The following RUNX3 variants were observed in gnomAD, a reference collection of about 807,000 sequenced individuals.
RUNX3 encodes RUNX family transcription factor 3.
A neutral mutation model predicts 27.7 loss-of-function variants in RUNX3; 10 were observed. The ratio of observed to expected loss-of-function variants is 0.36; its 90% CI spans 0.22 to 0.61. The LOEUF (loss-of-function observed/expected upper bound fraction) is 0.61. Ranked by LOEUF, RUNX3 falls within the 20% of genes least tolerant of loss-of-function variation. RUNX3 has a pLI of 0.72. For missense variants in RUNX3, 469 were observed against 629.5 expected (o/e 0.75, Z 2.73); for synonymous variants, 270 against 269.2 (o/e 1.00, Z -0.03).
intron 2 of RUNX3, among the ~76,000 whole-genome samples, chr1:24,956,785 G>A (rs1024982034): frequency 3.3e-5 from 5 of 152,192 alleles, no homozygotes; most frequent in Non-Finnish European, 5.9e-5. Context: ...ATAGGGGCAT[G>A]ACCAAAATGG....
In RUNX3 at chr1:24,908,165, C is replaced by T. The variant is rs374818109; in HGVS notation, c.545-748G>A. On this transcript the variant is annotated intron_variant, in intron 3 of 4. Transcript: ENST00000308873. Reference sequence around the variant, plus strand: ...CGGTGATCCGAACCTCTACGACACGCGGTGATCCGAAGCTCTACGACACGC... The same window carrying T: ...CGGTGATCCGAACCTCTACGACACGTGGTGATCCGAAGCTCTACGACACGC... Among the ~76,000 whole-genome samples, 600 of 132,996 alleles carry T rather than the reference C, an allele frequency of 4.5e-3. 42 individuals are homozygous for T. The South Asian group carries it at 0.13, about 28-fold the overall frequency. The allele number at this position is 132,996 out of a possible 152,430, so 87.3% of individuals were successfully genotyped here.
chr1:24,939,861 G>A lies in RUNX3; in HGVS notation c.59-10009C>T, dbSNP rs537030677. Among the ~76,000 whole-genome samples the A allele has an allele frequency of 7.2e-5, 11 of 152,358 alleles. No homozygotes were observed. In the South Asian group the frequency reaches 2.3e-3, roughly 32 times the overall value. ...CACGGCAGCATGGGTGGAAGGGCAG[G>A]GCACTAGCCTAGGGGCCCAGAGACC... On this transcript the variant is annotated intron_variant, in intron 2 of 6. Transcript: ENST00000338888.
At position 24,923,796 on chromosome 1, in the gene RUNX3, C is replaced by G. The variant is rs561339673; in HGVS notation, c.439+3778G>C. Among the ~76,000 whole-genome samples the G allele has an allele frequency of 6.6e-6, 1 of 152,186 alleles. No homozygotes were observed. Among genetic ancestry groups the G allele is most frequent in the East Asian group, 1.9e-4 (1 of 5,194 alleles). On this transcript the variant is annotated intron_variant, in intron 2 of 4. Coordinates refer to ENST00000308873, the MANE Select transcript of RUNX3 (RefSeq NM_004350.3). The surrounding 1 kb of genome is among the most constrained non-coding windows in gnomAD (Gnocchi z 5.9). Reference sequence around the variant, plus strand: ...ACCAGCGGTTCCCCTCAGCCTGCACCGGCACACTGCACCCCGAATCTCTGT... The same window carrying G: ...ACCAGCGGTTCCCCTCAGCCTGCACGGGCACACTGCACCCCGAATCTCTGT...
At chr1:24,940,073 G>C (rs925927738) in intron 2 of RUNX3, among the ~76,000 whole-genome samples, 2 of 152,208 alleles carry the variant, frequency 1.3e-5, no homozygotes, top group African/African-American at 4.8e-5. Flanking sequence ...GAGCAGGCTT[G>C]GGGGGTAAGA....
chr1:24,948,986 C>G (rs1374269937), intron 2 of RUNX3, among the ~76,000 whole-genome samples: 2 of 151,848 alleles, frequency 1.3e-5, no homozygotes, highest in African/African-American at 4.8e-5. Flanking sequence ...AATATGAGCA[C>G]AATGAAAAAT....
At position 24,902,476 on chromosome 1, in the gene RUNX3, C is replaced by T. The variant is rs543877061; in HGVS notation, c.894G>A (p.Pro298=). ...AGGTATGGTGGAAGCGGCTGGTGGCCGGCATGCCCGCCACGCTGAGGCTGC... is the reference window on the plus strand; with the variant it reads ...AGGTATGGTGGAAGCGGCTGGTGGCTGGCATGCCCGCCACGCTGAGGCTGC... The part of the protein sequence containing the change: ...SISSLSVAGM[P]ATSRFHHTYL... Residue 298 remains proline (P), a synonymous_variant, in exon 5 of 5, where the codon CCG becomes CCA. Coordinates refer to ENST00000308873, the MANE Select transcript of RUNX3 (RefSeq NM_004350.3). The surrounding 1 kb of genome is among the most constrained non-coding windows in gnomAD (Gnocchi z 9.2). The T allele has an allele frequency of 3.8e-5, 61 of 1,600,098 alleles. No individual in the cohort carries two copies. Among genetic ancestry groups the T allele is most frequent in the Middle Eastern group, 3.3e-4 (2 of 6,006 alleles).
intron 2 of RUNX3, among the ~76,000 whole-genome samples, chr1:24,926,210 A>T (rs1391327689): frequency 6.6e-6 from 1 of 152,220 alleles, no homozygotes; most frequent in Non-Finnish European, 1.5e-5. Flanking sequence ...GCCACCGACC[A>T]AGGACCAGTG....
chr1:24,902,268 C>A lies in RUNX3; in HGVS notation c.1102G>T (p.Ala368Ser). The A allele has an allele frequency of 6.3e-7, 1 of 1,592,626 alleles. No individual in the cohort carries two copies. The highest frequency in any genetic ancestry group is 1.3e-5 in the African/African-American group (1 of 74,956). The change falls in exon 5 of 5, where the codon GCT becomes TCT. Residue 368 changes from alanine (A) to serine (S), a missense_variant. Transcript: ENST00000308873. The surrounding 1 kb of genome is among the most constrained non-coding windows in gnomAD (Gnocchi z 9.2). ...AGGTTGCCGGCGGCGACAGAGGCAG[C>A]GCTGCTGGTGCAAGAGGCCAGCATG... ...TRMLASCTSS[A>S]ASVAAGNLMN... is the part of the protein sequence containing the mutation.
In RUNX3 at chr1:24,930,095, C is replaced by G. The variant is rs1641187843; in HGVS notation, c.-227G>C. On this transcript the variant is annotated 5_prime_UTR_variant, in exon 1 of 5. Transcript: ENST00000308873. This position sits in a 1 kb window ranked among gnomAD's most constrained non-coding sequence, Gnocchi z 4.1. ...GCCGCCCGCAGCCTGCCCGGCTAGT[C>G]CCGCATCCTCGGCGCGCGGCCCCGC... 1.0e-6 allele frequency: 1 copy of G among 979,844 alleles called. No homozygotes were observed. The highest frequency in any genetic ancestry group is 6.3e-5 in the Admixed American group (1 of 15,782). 60.7% of individuals were successfully genotyped at this position (979,844 alleles called of 1,614,324 possible).
At chr1:24,941,292 A>G (rs1463866222) in intron 2 of RUNX3, among the ~76,000 whole-genome samples, 1 of 152,178 alleles carries the variant, frequency 6.6e-6, no homozygotes, top group Non-Finnish European at 1.5e-5. Context: ...ACAGGCAAGG[A>G]AGTCCCTTGC....
At chr1:24,908,398 G>A (rs758537448) in intron 3 of RUNX3, among the ~76,000 whole-genome samples, 4 of 152,166 alleles carry the variant, frequency 2.6e-5, no homozygotes, top group Non-Finnish European at 4.4e-5. Flanking sequence ...TATAATCTCA[G>A]CACTTTGGGA....
intron 2 of RUNX3, among the ~76,000 whole-genome samples, chr1:24,957,384 T>C (rs149102089): frequency 3.0e-5 from 4 of 133,594 alleles, no homozygotes; most frequent in East Asian, 2.5e-4. Flanking sequence ...ATCCATCCAT[T>C]CTTTCTTTCT....
intron 2 of RUNX3, among the ~76,000 whole-genome samples, chr1:24,951,016 G>A (rs995231148): frequency 1.2e-4 from 19 of 152,028 alleles, no homozygotes; most frequent in African/African-American, 4.6e-4. Context: ...GACCCTCCTG[G>A]ATAACATGGG....
Position 24,916,031 on chromosome 1 carries a change from G to A in RUNX3, c.544+3209C>T, listed in dbSNP as rs893646798. On this transcript the variant is annotated intron_variant, in intron 3 of 4. Transcript: ENST00000308873. The surrounding 1 kb of genome is among the most constrained non-coding windows in gnomAD (Gnocchi z 4.8). ...GGCCACCTGGCTGCAGGCCGGGCAC[G>A]CTCTGCAGGGCACCAGAGGGGAACG... Among the ~76,000 whole-genome samples the A allele has an allele frequency of 2.0e-5, 3 of 152,194 alleles. No homozygotes were observed. Among genetic ancestry groups the A allele is most frequent in the South Asian group, 4.1e-4 (2 of 4,838 alleles).
intron 3 of RUNX3, among the ~76,000 whole-genome samples, chr1:24,913,722 G>A (rs1376242624): frequency 2.0e-5 from 3 of 152,232 alleles, no homozygotes; most frequent in African/African-American, 7.2e-5. Context: ...TGGATTCTGG[G>A]TTGGCAGCTC....
upstream of RUNX3, among the ~76,000 whole-genome samples, chr1:24,933,201 G>T (rs1401745187): frequency 6.6e-6 from 1 of 152,210 alleles, no homozygotes; most frequent in Non-Finnish European, 1.5e-5. Context: ...GCTATGGAAG[G>T]AGCTGGGGTC....
chr1:24,908,060 A>ACACGCGGTGATCCGAACCTCTACGT (rs1221539714), intron 3 of RUNX3, among the ~76,000 whole-genome samples: 1 of 151,622 alleles, frequency 6.6e-6, no homozygotes, highest in Non-Finnish European at 1.5e-5. Context: ...AACCTCTACG[A>ACACGCGGTGATCCGAACCTCTACGT]CACACGGTGA....
In RUNX3 at chr1:24,927,659, G is replaced by A. The variant is rs747070804; in HGVS notation, c.354C>T (p.Ser118=). ...CGGCCGAGGCATTGCGCAGCTCAGC[G>A]GAGTAGTTCTCGTCATTGCCTGCCA... is the stretch of plus-strand genomic sequence containing the variant. ...TVMAGNDENY[S]AELRNASAVM... The change falls in exon 2 of 5, where the codon TCC becomes TCT. Residue 118 remains serine (S), a synonymous_variant. Transcript: ENST00000308873. The surrounding 1 kb of genome is among the most constrained non-coding windows in gnomAD (Gnocchi z 5.0). 8 of 1,614,120 alleles carry A rather than the reference G, an allele frequency of 5.0e-6. No individual in the cohort carries two copies. The South Asian group carries it at 5.5e-5, about 11-fold the overall frequency.
At chr1:24,938,207 T>TC (rs1641392749) in intron 2 of RUNX3, among the ~76,000 whole-genome samples, 1 of 152,190 alleles carries the variant, frequency 6.6e-6, no homozygotes, top group African/African-American at 2.4e-5. Context: ...CTTGAGCAAG[T>TC]CCCTTCCCTC....
Sources: gnomAD v4.1 joint callset for allele counts (sites outside exome capture counted in the v4.1 genomes callset) on GRCh38, gnomAD v4.1.1 for gene constraint, Gnocchi (gnomAD v3.1) non-coding constraint, MANE v1.5 for transcripts, NCBI Gene and HGNC (gene_info 2026-07-23, HGNC 2026-07-21) for gene names.